The following NFKBIZ variants were observed in gnomAD, a reference collection of about 807,000 sequenced individuals.
NFKBIZ encodes the protein NFKB inhibitor zeta.
Under a neutral mutation model 76.8 loss-of-function variants are expected in NFKBIZ, and 19 were observed. The observed-to-expected ratio is 0.25, with a 90% CI of 0.17 to 0.36. The LOEUF is 0.36. Among genes scored for constraint, NFKBIZ ranks in the 10% least tolerant of loss-of-function variants. The pLI is 1.00. For synonymous variants in NFKBIZ, 368 were observed against 354.8 expected, an observed-to-expected ratio of 1.04 and a Z score of -0.42; for missense variants, 829 against 910.9, an observed-to-expected ratio of 0.91 and a Z score of 1.16.
chr3:101,842,729 G>A (rs1048362502), intron 2 of NFKBIZ, among the ~76,000 whole-genome samples: 4 of 151,596 alleles, frequency 2.6e-5, no homozygotes, highest in African/African-American at 9.7e-5. Context: ...ATTCTTAGAA[G>A]AATTCCTGGC....
At position 101,860,785 on chromosome 3, in the gene NFKBIZ, A is replaced by G. The variant is rs1943121326; in HGVS notation, c.*1414A>G. 1 of 132,268 alleles carries G rather than the reference A, an allele frequency of 7.6e-6. No homozygotes were observed. Among genetic ancestry groups the G allele is most frequent in the Admixed American group, 9.1e-5 (1 of 11,034 alleles). The allele number at this position is 132,268 out of a possible 1,614,324, so 8.2% of individuals were successfully genotyped here. A position where few individuals can be genotyped will look rare whatever the true frequency, so the allele number is the denominator to read the frequency against. On this transcript the variant is annotated 3_prime_UTR_variant, in exon 12 of 12. Transcript: ENST00000326172. ...TTTTGTAATAAATTTGACTCATTAA[A>G]AACCTTTTTTTTTTAAAAAAAAAAA...
chr3:101,853,656 T>G lies in NFKBIZ; in HGVS notation c.1130T>G (p.Met377Arg). 1 of 1,614,258 alleles carries G rather than the reference T, an allele frequency of 6.2e-7. No homozygotes were observed. The highest frequency in any genetic ancestry group is 1.1e-5 in the South Asian group (1 of 91,084). Residue 377 changes from methionine to arginine, a missense_variant, in exon 5 of 12, where the codon ATG becomes AGG. By Grantham distance (91) the Met-to-Arg change is moderately conservative. Coordinates refer to ENST00000326172, the MANE Select transcript of NFKBIZ (RefSeq NM_031419.4). ...NDAHLHSFSM[M>R]PSSACEAMVG... ...GCTCACTTGCACAGCTTCAGCATGA[T>G]GCCCAGCAGCGCCTGTGAGGCCATG...
chr3:101,855,228 GCTTCCATC>G lies in NFKBIZ; in HGVS notation c.1590+21_1590+28del, dbSNP rs1286331236. The G allele has an allele frequency of 6.2e-7, 1 of 1,602,424 alleles. No individual in the cohort carries two copies. The highest frequency in any genetic ancestry group is 1.7e-5 in the Admixed American group (1 of 58,312). Reference sequence around the variant, plus strand: ...CTTCAGGTAAGAGGCAGCAAACCAGGCTTCCATCATTGCAAGGCCAGAGAGATAGAGTT... The same window carrying G: ...CTTCAGGTAAGAGGCAGCAAACCAGGATTGCAAGGCCAGAGAGATAGAGTT... On this transcript the variant is annotated intron_variant, in intron 7 of 11. Coordinates refer to ENST00000326172, the MANE Select transcript of NFKBIZ (RefSeq NM_031419.4).
intron 8 of NFKBIZ, 66 bp downstream of exon 8, chr3:101,855,524 A>G (rs1943036830): frequency 7.0e-7 from 1 of 1,432,912 alleles, no homozygotes; most frequent in African/African-American, 1.4e-5. Flanking sequence ...TAAGGGTGCT[A>G]AGTATACTAA....
At chr3:101,842,574 T>C (rs1438137622) in intron 2 of NFKBIZ, among the ~76,000 whole-genome samples, 2 of 151,882 alleles carry the variant, frequency 1.3e-5, no homozygotes, top group Admixed American at 6.6e-5. Context: ...TTTTTCTTTT[T>C]TCATTTTCTT....
chr3:101,832,092 GTTTC>G (rs746126836), intron 2 of NFKBIZ, among the ~76,000 whole-genome samples: 2 of 151,796 alleles, frequency 1.3e-5, no homozygotes, highest in Admixed American at 6.6e-5. Context: ...GTTCTTTTTT[GTTTC>G]TTTCTTTCTT....
At chr3:101,851,808 T>A (rs1205058209) in intron 1 of NFKBIZ, among the ~76,000 whole-genome samples, 3 of 152,188 alleles carry the variant, frequency 2.0e-5, no homozygotes, top group Admixed American at 2.0e-4. Context: ...GAGGCTTAAT[T>A]TGGGTTTACC....
chr3:101,840,920 G>A (rs1942778284), intron 2 of NFKBIZ, among the ~76,000 whole-genome samples: 1 of 152,180 alleles, frequency 6.6e-6, no homozygotes, highest in Admixed American at 6.5e-5. Context: ...TCATATAAAA[G>A]GAAGTTGCAG....
Position 101,853,251 on chromosome 3 carries a change from C to T in NFKBIZ, c.725C>T (p.Pro242Leu), listed in dbSNP as rs753424301. The change falls in exon 5 of 12, where the codon CCC (proline) becomes CTC (leucine). Residue 242 changes from proline to leucine, a missense_variant. Coordinates refer to ENST00000326172, the MANE Select transcript of NFKBIZ (RefSeq NM_031419.4). ...ACAGTTCAAGTTAGCTGGCTGAACC[C>T]CGTGGTGGTCCCTCAGAGCTCCCCC... ...LNTVQVSWLN[P>L]VVVPQSSPAE... is the part of the protein sequence containing the mutation. 3 of 1,614,162 alleles carry T rather than the reference C, an allele frequency of 1.9e-6. No individual in the cohort carries two copies. The South Asian group carries it at 3.3e-5, about 18-fold the overall frequency.
chr3:101,841,890 C>T (rs759462782), intron 2 of NFKBIZ, among the ~76,000 whole-genome samples: 8 of 152,106 alleles, frequency 5.3e-5, no homozygotes, highest in Non-Finnish European at 7.4e-5. Flanking sequence ...GATGTCTGTA[C>T]GGTATTGACA....
At chr3:101,835,654 T>A (rs1275240203) in intron 2 of NFKBIZ, among the ~76,000 whole-genome samples, 1 of 152,186 alleles carries the variant, frequency 6.6e-6, no homozygotes, top group Non-Finnish European at 1.5e-5. Flanking sequence ...CCAGTCAGAT[T>A]AGATGAGGAC....
intron 2 of NFKBIZ, among the ~76,000 whole-genome samples, chr3:101,841,587 G>C (rs1009810954): frequency 1.3e-5 from 2 of 152,188 alleles, no homozygotes; most frequent in African/African-American, 4.8e-5. Context: ...ATCTGCATTA[G>C]AAAAATCTGT....
At chr3:101,856,301 C>T (rs1288168038) in intron 9 of NFKBIZ, among the ~76,000 whole-genome samples, 3 of 152,206 alleles carry the variant, frequency 2.0e-5, no homozygotes, top group Admixed American at 6.5e-5. Context: ...CTGCCCGCCT[C>T]GGCCTCCCGA....
rs571819098 is a variant in NFKBIZ, at chr3:101,835,579, T to A, written c.-12+5891T>A. Among the ~76,000 whole-genome samples the A allele has an allele frequency of 6.6e-5, 10 of 152,288 alleles. No homozygotes were observed. The South Asian group carries it at 1.2e-3, about 19-fold the overall frequency. ...TGTACATGGCCGCCTTCTCACTACG[T>A]CCTCACATGTGGCGTTTTCTCTGTG... On this transcript the variant is annotated intron_variant, in intron 2 of 12. Transcript: ENST00000394054.
intron 7 of NFKBIZ, 43 bp downstream of exon 7, chr3:101,855,251 G>A: frequency 6.2e-7 from 1 of 1,600,866 alleles, no homozygotes; most frequent in South Asian, 1.1e-5. Context: ...CAAGGCCAGA[G>A]AGATAGAGTT....
chr3:101,858,514 C>A, intron 11 of NFKBIZ: 1 of 853,758 alleles, frequency 1.2e-6, no homozygotes, highest in Non-Finnish European at 1.4e-6. Context: ...TCTCAGGGAT[C>A]ATTGAGATAT....
At chr3:101,850,049 T>TA in intron 1 of NFKBIZ, 132 bp downstream of exon 1, 1 of 899,756 alleles carries the variant, frequency 1.1e-6, no homozygotes, top group South Asian at 3.4e-5. Context: ...AGCCATCAAT[T>TA]ACCACTCCCC....
At chr3:101,849,334 G>GGGGCGA (rs1281232012), upstream of NFKBIZ, 79 of 277,680 alleles carry the variant, frequency 2.8e-4, no homozygotes, top group Admixed American at 5.8e-4. Context: ...CCGGGCGGGC[G>GGGGCGA]GGGCGAGGGC....
At chr3:101,856,862 C>T (rs1463878744) in intron 9 of NFKBIZ, 1 of 478,638 alleles carries the variant, frequency 2.1e-6, no homozygotes, top group Non-Finnish European at 3.7e-6. Flanking sequence ...TACATTGTGA[C>T]AAGAGGCATA....
Sources: gnomAD v4.1 joint callset for allele counts (sites outside exome capture counted in the v4.1 genomes callset) on GRCh38, gnomAD v4.1.1 for gene constraint, MANE v1.5 for transcripts, NCBI Gene and HGNC (gene_info 2026-07-23, HGNC 2026-07-21) for gene names.